SDK1: variants seen among roughly 807,000 people sequenced by gnomAD.
The protein encoded by SDK1 is sidekick cell adhesion molecule 1, also known as protein sidekick-1.
SDK1 carries 157 observed loss-of-function variants against 245.5 expected under a neutral mutation model. The ratio of observed to expected loss-of-function variants is 0.64; its 90% CI spans 0.56 to 0.73. SDK1 has a LOEUF of 0.73. Among genes scored for constraint, SDK1 ranks in the 30% least tolerant of loss-of-function variants. The pLI, the probability that SDK1 is intolerant of heterozygous loss-of-function variation, is 0.00. For synonymous variants in SDK1, 1,647 were observed against 1,278.5 expected (o/e 1.29, Z -6.15); for missense variants, 3,583 against 3,002.3 (o/e 1.19, Z -4.52).
At chr7:3,588,153 T>G (rs190339656) in intron 1 of SDK1, among the ~76,000 whole-genome samples, 1 of 152,310 alleles carries the variant, frequency 6.6e-6, no homozygotes, top group African/African-American at 2.4e-5. Flanking sequence ...ACAGAGAAAT[T>G]AAGTGACTTA....
intron 4 of SDK1, among the ~76,000 whole-genome samples, chr7:3,728,154 A>G (rs752922599): frequency 1.6e-4 from 25 of 152,246 alleles, no homozygotes; most frequent in Non-Finnish European, 3.2e-4. Context: ...CCATGCCATC[A>G]GCATGGCGTG....
intron 4 of SDK1, among the ~76,000 whole-genome samples, chr7:3,742,251 T>C (rs931852389): frequency 6.6e-6 from 1 of 151,900 alleles, no homozygotes; most frequent in African/African-American, 2.4e-5. Flanking sequence ...CAGATTATGT[T>C]ACCCCAAAAC....
intron 14 of SDK1, among the ~76,000 whole-genome samples, chr7:4,009,198 G>T (rs1280421567): frequency 6.6e-6 from 1 of 152,188 alleles, no homozygotes; most frequent in Admixed American, 6.5e-5. Flanking sequence ...AAGTGGGAGA[G>T]CTCGTAGTCA....
chr7:3,656,669 T>C (rs1273629676), intron 4 of SDK1, among the ~76,000 whole-genome samples: 1 of 151,736 alleles, frequency 6.6e-6, no homozygotes, highest in Non-Finnish European at 1.5e-5. Context: ...CCATACATGC[T>C]CCTTGGGAAC....
At chr7:3,578,887 C>T (rs1454247024) in intron 1 of SDK1, among the ~76,000 whole-genome samples, 1 of 151,782 alleles carries the variant, frequency 6.6e-6, no homozygotes. Context: ...ATACAGTTAA[C>T]CCAATCAAAG....
intron 1 of SDK1, among the ~76,000 whole-genome samples, chr7:3,355,370 C>T (rs1583732556): frequency 1.3e-5 from 2 of 152,162 alleles, no homozygotes; most frequent in East Asian, 1.9e-4. Context: ...GGGTGGAGTG[C>T]AATGGTGCGA....
At chr7:4,020,578 C>A (rs1006415106) in intron 17 of SDK1, among the ~76,000 whole-genome samples, 1 of 152,166 alleles carries the variant, frequency 6.6e-6, no homozygotes, top group East Asian at 1.9e-4. Flanking sequence ...AGAAAGGGAT[C>A]TGCCTAGAAG....
intron 4 of SDK1, among the ~76,000 whole-genome samples, chr7:3,711,374 C>T (rs569977576): frequency 1.8e-4 from 28 of 152,198 alleles, no homozygotes; most frequent in African/African-American, 6.5e-4. Context: ...CCTCTGACCT[C>T]GTAAAATTTA....
rs527301999 is a variant in SDK1, at chr7:3,663,240, A to G, written c.713+21135A>G. The stretch of plus-strand genomic sequence containing the variant: ...GTGATACTTACTTTTAGAGTAAGAT[A>G]TATAATGATAATAGTACAGTGTCCT... On this transcript the variant is annotated intron_variant, in intron 4 of 44. Coordinates refer to ENST00000404826, the MANE Select transcript of SDK1 (RefSeq NM_152744.4). Among the ~76,000 whole-genome samples the G allele has an allele frequency of 1.1e-4, 17 of 152,374 alleles. 1 individual carries two copies. The South Asian group carries it at 3.1e-3, about 28-fold the overall frequency.
intron 1 of SDK1, among the ~76,000 whole-genome samples, chr7:3,497,626 C>G (rs1319675337): frequency 1.3e-5 from 2 of 152,172 alleles, no homozygotes; most frequent in Non-Finnish European, 2.9e-5. Flanking sequence ...TCCCTGATAT[C>G]AGACACAGTA....
intron 5 of SDK1, among the ~76,000 whole-genome samples, chr7:3,917,229 A>G (rs1779415958): frequency 1.3e-5 from 2 of 152,360 alleles, no homozygotes; most frequent in African/African-American, 4.8e-5. Context: ...TCTGATTTCT[A>G]TCCCTTGTCT....
chr7:3,853,997 A>AT (rs942818966), intron 5 of SDK1, among the ~76,000 whole-genome samples: 1 of 151,610 alleles, frequency 6.6e-6, no homozygotes, highest in African/African-American at 2.4e-5. Flanking sequence ...CAAAAAAAAA[A>AT]TTTTTTTTGG....
At chr7:3,460,822 T>C (rs545166491) in intron 1 of SDK1, among the ~76,000 whole-genome samples, 3 of 152,196 alleles carry the variant, frequency 2.0e-5, no homozygotes, top group Non-Finnish European at 4.4e-5. Context: ...GAAACCATTT[T>C]AGGTTATTCA....
At chr7:3,319,031 G>T (rs1015252668) in intron 1 of SDK1, among the ~76,000 whole-genome samples, 2 of 152,042 alleles carry the variant, frequency 1.3e-5, no homozygotes, top group African/African-American at 4.8e-5. Flanking sequence ...GGACATTCAT[G>T]AGGGGGGAGT....
intron 4 of SDK1, among the ~76,000 whole-genome samples, chr7:3,700,148 A>T (rs1315575693): frequency 6.6e-6 from 1 of 152,232 alleles, no homozygotes; most frequent in Non-Finnish European, 1.5e-5. Flanking sequence ...TTCTCAAATG[A>T]AGGGAAAACT....
At chr7:3,495,040 A>C (rs986025185) in intron 1 of SDK1, among the ~76,000 whole-genome samples, 7 of 151,896 alleles carry the variant, frequency 4.6e-5, no homozygotes, top group African/African-American at 1.5e-4. Flanking sequence ...TAATTTCTTC[A>C]ATTTGTCTCT....
intron 1 of SDK1, among the ~76,000 whole-genome samples, chr7:3,615,321 G>T (rs940369871): frequency 1.3e-5 from 2 of 151,646 alleles, no homozygotes; most frequent in Admixed American, 6.6e-5. Flanking sequence ...AAGAGGAGAT[G>T]ATTTTTGCTG....
intron 1 of SDK1, among the ~76,000 whole-genome samples, chr7:3,493,715 T>A (rs538337531): frequency 6.6e-6 from 1 of 152,374 alleles, no homozygotes; most frequent in Admixed American, 6.5e-5. Context: ...AGAATTATTC[T>A]TGTGTTAACT....
intron 1 of SDK1, among the ~76,000 whole-genome samples, chr7:3,346,416 G>A (rs1027767715): frequency 6.6e-6 from 1 of 152,122 alleles, no homozygotes; most frequent in African/African-American, 2.4e-5. Flanking sequence ...GCACTACAAC[G>A]TACGTATGGT....
Sources: allele counts gnomAD v4.1 joint callset (sites outside exome capture counted in the v4.1 genomes callset), GRCh38; gene constraint gnomAD v4.1.1; transcripts MANE v1.5; gene names NCBI Gene and HGNC (gene_info 2026-07-23, HGNC 2026-07-21).